The following ADAM23 variants were observed in gnomAD, a reference collection of about 807,000 sequenced individuals.
ADAM23 encodes the protein disintegrin and metalloproteinase domain-containing protein 23.
ADAM23 carries 33 observed loss-of-function variants against 120.1 expected under a neutral mutation model. That is an observed-to-expected ratio of 0.27 (90% CI 0.21 to 0.37). The LOEUF is 0.37. Ranked by LOEUF, ADAM23 falls within the 10% of genes least tolerant of loss-of-function variation. The pLI, the probability that ADAM23 is intolerant of heterozygous loss-of-function variation, is 1.00. For missense variants in ADAM23, 862 were observed against 1,058.2 expected (o/e 0.81, Z 2.57); for synonymous variants, 367 against 375.2 (o/e 0.98, Z 0.25).
chr2:206,545,711 A>G (rs1442366671), intron 6 of ADAM23, among the ~76,000 whole-genome samples: 1 of 152,184 alleles, frequency 6.6e-6, no homozygotes, highest in Non-Finnish European at 1.5e-5. Context: ...GGTAATGAAG[A>G]CAGCCCACTT....
chr2:206,463,540 G>A (rs1287544056), intron 2 of ADAM23, among the ~76,000 whole-genome samples: 1 of 152,200 alleles, frequency 6.6e-6, no homozygotes, highest in Non-Finnish European at 1.5e-5. Flanking sequence ...ATTTGTTAGG[G>A]TAGCAGCAGG....
intron 3 of ADAM23, among the ~76,000 whole-genome samples, chr2:206,521,912 A>G (rs1326663286): frequency 1.3e-5 from 2 of 152,280 alleles, no homozygotes; most frequent in East Asian, 3.9e-4. Flanking sequence ...GGCTACTGTC[A>G]TTCATTTTTA....
chr2:206,567,093 C>G, intron 14 of ADAM23, 130 bp from the exon 15 acceptor site: 1 of 695,330 alleles, frequency 1.4e-6, no homozygotes, highest in South Asian at 2.1e-5. Flanking sequence ...ACATAAGTCC[C>G]TTGTCAAAAT....
chr2:206,483,959 C>T (rs935610437), intron 3 of ADAM23, among the ~76,000 whole-genome samples: 3 of 152,046 alleles, frequency 2.0e-5, no homozygotes, highest in African/African-American at 7.2e-5. Context: ...TTAATGATGA[C>T]AGAGCAAGTT....
chr2:206,473,356 TCA>T (rs957834526), intron 2 of ADAM23, among the ~76,000 whole-genome samples: 1 of 152,142 alleles, frequency 6.6e-6, no homozygotes, highest in African/African-American at 2.4e-5. Context: ...CCCAGCAGAC[TCA>T]CTCCACAAAT....
Position 206,462,248 on chromosome 2 carries a change from C to T in ADAM23, c.432+16724C>T, listed in dbSNP as rs1574480024. 4.6e-5 allele frequency among the ~76,000 whole-genome samples: 7 copies of T among 152,094 alleles called. No homozygotes were observed. In the South Asian group the frequency reaches 1.4e-3, roughly 31 times the overall value. ...ATATGTCATATAAAATTGGTGGTTA[C>T]TCTGGTATATTTACTTACATGGTCT... On this transcript the variant is annotated intron_variant, in intron 2 of 25. Coordinates refer to ENST00000264377, the MANE Select transcript of ADAM23 (RefSeq NM_003812.4).
At chr2:206,576,002 T>C (rs1394197423) in intron 18 of ADAM23, among the ~76,000 whole-genome samples, 1 of 152,190 alleles carries the variant, frequency 6.6e-6, no homozygotes, top group Non-Finnish European at 1.5e-5. Context: ...ATATATATTA[T>C]TTGAAATTCA....
At chr2:206,453,149 C>G (rs2300978) in intron 2 of ADAM23, among the ~76,000 whole-genome samples, 2 of 152,024 alleles carry the variant, frequency 1.3e-5, no homozygotes, top group African/African-American at 2.4e-5. Context: ...CCTTTCAGCA[C>G]TTTTCCAGGC....
chr2:206,445,656 G>A (rs1047463166), intron 2 of ADAM23, 132 bp downstream of exon 2: 1 of 741,102 alleles, frequency 1.3e-6, no homozygotes, highest in East Asian at 2.7e-5. Context: ...ATTATGATAG[G>A]GGAGAAACTG....
intron 15 of ADAM23, among the ~76,000 whole-genome samples, chr2:206,568,921 C>CA (rs986585830): frequency 2.0e-5 from 3 of 152,258 alleles, no homozygotes; most frequent in Admixed American, 1.3e-4. Context: ...TGCCTGACAT[C>CA]TGTGTAGAAT....
chr2:206,617,080 A>T (rs1400792768), intron 25 of ADAM23, among the ~76,000 whole-genome samples: 2 of 152,162 alleles, frequency 1.3e-5, no homozygotes, highest in Non-Finnish European at 2.9e-5. Context: ...CACACACCCA[A>T]GGCAGCAAGA....
intron 2 of ADAM23, among the ~76,000 whole-genome samples, chr2:206,460,839 C>T (rs1364248296): frequency 6.6e-6 from 1 of 152,104 alleles, no homozygotes; most frequent in Non-Finnish European, 1.5e-5. Context: ...AGGTTTTCCC[C>T]TCTGTTTCCT....
chr2:206,563,278 A>G (rs534797003), intron 13 of ADAM23, among the ~76,000 whole-genome samples: 9 of 152,222 alleles, frequency 5.9e-5, no homozygotes, highest in Non-Finnish European at 1.3e-4. Context: ...CTCCCTAGAG[A>G]AGAAAAGGAA....
intron 3 of ADAM23, among the ~76,000 whole-genome samples, chr2:206,487,580 C>T (rs1399372683): frequency 2.0e-5 from 3 of 152,138 alleles, no homozygotes; most frequent in East Asian, 1.9e-4. Flanking sequence ...CAGGCTATTG[C>T]GTATATGTGG....
intron 2 of ADAM23, among the ~76,000 whole-genome samples, chr2:206,447,282 A>G (rs1364612070): frequency 6.6e-6 from 1 of 152,226 alleles, no homozygotes; most frequent in Admixed American, 6.5e-5. Flanking sequence ...GTACTTTGAA[A>G]AGAATGTTTC....
intron 24 of ADAM23, among the ~76,000 whole-genome samples, chr2:206,606,091 C>G (rs1698723710): frequency 6.6e-6 from 1 of 152,230 alleles, no homozygotes; most frequent in African/African-American, 2.4e-5. Flanking sequence ...TAACATAACA[C>G]TGGGTGTGCT....
At chr2:206,488,706 C>T (rs1287546214) in intron 3 of ADAM23, among the ~76,000 whole-genome samples, 1 of 152,176 alleles carries the variant, frequency 6.6e-6, no homozygotes, top group African/African-American at 2.4e-5. Context: ...GGCCCAGGGT[C>T]TCAGGCAGTT....
At chr2:206,505,276 C>G (rs1312722193) in intron 3 of ADAM23, among the ~76,000 whole-genome samples, 1 of 152,112 alleles carries the variant, frequency 6.6e-6, no homozygotes, top group Non-Finnish European at 1.5e-5. Context: ...AACTTAATCA[C>G]TAATAATCTA....
At chr2:206,444,746 A>G (rs1202271069) in intron 1 of ADAM23, among the ~76,000 whole-genome samples, 3 of 152,262 alleles carry the variant, frequency 2.0e-5, no homozygotes, top group Non-Finnish European at 2.9e-5. Flanking sequence ...GTATCCCTAC[A>G]TGGCAAAGTA....
Sources: gnomAD v4.1 joint callset for allele counts (sites outside exome capture counted in the v4.1 genomes callset) on GRCh38, gnomAD v4.1.1 for gene constraint, MANE v1.5 for transcripts, NCBI Gene and HGNC (gene_info 2026-07-23, HGNC 2026-07-21) for gene names.